LCT: variants seen among roughly 807,000 people sequenced by gnomAD.
The protein encoded by LCT is lactase.
Under a neutral mutation model 173.0 loss-of-function variants are expected in LCT, and 90 were observed. That is an observed-to-expected ratio of 0.52 (90% CI 0.44 to 0.62). LCT has a LOEUF of 0.62. LCT is among the 20% of genes least tolerant of loss of function. The pLI is 0.00. For synonymous variants in LCT, 853 were observed against 957.6 expected (o/e 0.89, Z 2.02); for missense variants, 1,864 against 2,431.4 (o/e 0.77, Z 4.91).
At chr2:135,824,680 T>C (rs556086748) in intron 3 of LCT, among the ~76,000 whole-genome samples, 3 of 152,194 alleles carry the variant, frequency 2.0e-5, no homozygotes, top group Non-Finnish European at 4.4e-5. Context: ...TTTTTACTTT[T>C]GGATGTTAGA....
chr2:135,805,168 C>T, intron 9 of LCT, 111 bp from the exon 10 acceptor site: 1 of 1,081,754 alleles, frequency 9.2e-7, no homozygotes, highest in Non-Finnish European at 1.4e-6. Context: ...TGTGATAACG[C>T]TTAGCTTAAA....
chr2:135,809,493 C>A lies in LCT; in HGVS notation c.2854G>T (p.Ala952Ser). 6.2e-7 allele frequency: 1 copy of A among 1,614,230 alleles called. No individual in the cohort carries two copies. Among genetic ancestry groups the A allele is most frequent in the Admixed American group, 1.7e-5 (1 of 60,022 alleles). ...NVKDNATGDI[A>S]CDSYHQLDAD... ...TCCAGCTGGTGATAGCTGTCACAGG[C>A]GATGTCTCCAGTGGCATTGTCTTTC... is the stretch of plus-strand genomic sequence containing the variant. The change falls in exon 8 of 17, where the codon GCC (alanine) becomes TCC (serine). Residue 952 changes from alanine to serine, a missense_variant. By Grantham distance (99) the Ala-to-Ser change is moderately conservative. Around this residue, in one of 4 missense-constraint regions of LCT, gnomAD observed 755 missense variants for 926.3 expected, o/e 0.82. Transcript: ENST00000264162. The surrounding 1 kb of genome is among the most constrained non-coding windows in gnomAD (Gnocchi z 5.5).
chr2:135,827,657 G>T (rs2077898540), intron 3 of LCT, among the ~76,000 whole-genome samples: 1 of 152,130 alleles, frequency 6.6e-6, no homozygotes, highest in African/African-American at 2.4e-5. Flanking sequence ...ACGCAACCTG[G>T]ATCCCTCGCA....
intron 6 of LCT, among the ~76,000 whole-genome samples, chr2:135,815,786 G>A (rs896114869): frequency 1.3e-5 from 2 of 151,948 alleles, no homozygotes; most frequent in Non-Finnish European, 1.5e-5. Context: ...TACAACCTCC[G>A]CCTCCCAGGA....
At position 135,836,581 on chromosome 2, in the gene LCT, C is replaced by G. The variant is rs1469902161; in HGVS notation, c.589G>C (p.Asp197His). 1.9e-6 allele frequency: 3 copies of G among 1,614,064 alleles called. No individual in the cohort carries two copies. Among genetic ancestry groups the G allele is most frequent in the Non-Finnish European group, 2.5e-6 (3 of 1,179,942 alleles). The change falls in exon 1 of 17, where the codon GAT (aspartate) becomes CAT (histidine). Residue 197 changes from aspartate to histidine, a missense_variant. By Grantham distance (81) the Asp-to-His change is moderately conservative (BLOSUM62 -1). Coordinates refer to ENST00000264162, the MANE Select transcript of LCT (RefSeq NM_002299.4). ...ATCTCATAGGCTTTTCTGTGGGCAT[C>G]ACTGAGGGTCTGGAGTTGTGACGCT... ...SRASQLQTLSDAHRKAYEIYH... is the reference protein window; with the variant it reads ...SRASQLQTLSHAHRKAYEIYH...
chr2:135,836,336 T>C (rs1170140056), intron 1 of LCT, among the ~76,000 whole-genome samples, 194 bp downstream of exon 1: 2 of 151,988 alleles, frequency 1.3e-5, no homozygotes, highest in Non-Finnish European at 2.9e-5. Context: ...AAATGCTGAG[T>C]GTTTTGCCAT....
Position 135,817,926 on chromosome 2 carries a change from C to A in LCT, c.1122G>T (p.Arg374Ser). 1 of 1,614,038 alleles carries A rather than the reference C, an allele frequency of 6.2e-7. No homozygotes were observed. The highest frequency in any genetic ancestry group is 8.5e-7 in the Non-Finnish European group (1 of 1,180,026). The change falls in exon 6 of 17, where the codon AGG (arginine) becomes AGT (serine). Residue 374 changes from arginine to serine, a missense_variant. Arg to Ser is a moderately radical substitution (Grantham distance 110). Transcript: ENST00000264162. ...EAFANQSRAE[R>S]DAFLQDTFPE... Reference sequence around the variant, plus strand: ...GGAAAGTATCCTGCAGGAAGGCATCCCTTTCCGCCCTGGACTGATTGGCAA... The same window carrying A: ...GGAAAGTATCCTGCAGGAAGGCATCACTTTCCGCCCTGGACTGATTGGCAA...
intron 8 of LCT, among the ~76,000 whole-genome samples, chr2:135,808,228 A>G (rs1334822038): frequency 3.3e-5 from 5 of 152,112 alleles, no homozygotes; most frequent in Non-Finnish European, 7.4e-5. Flanking sequence ...CTGTGTGTGT[A>G]GTGTTTGTAT....
chr2:135,819,992 G>T (rs561484057), intron 5 of LCT, among the ~76,000 whole-genome samples: 2 of 152,290 alleles, frequency 1.3e-5, no homozygotes, highest in East Asian at 3.9e-4. Context: ...GGCACCTCAG[G>T]CTCCACACCC....
rs2077748003 is a variant in LCT at position 135,812,960 on chromosome 2, G to A, written c.1708-4C>T. ...CCTTGAGGACCAAGTGAGCCACCTT[G>A]TGAAAAAGTAAGAAGGAAATACAGT... On this transcript the variant is annotated splice_polypyrimidine_tract_variant and splice_region_variant and intron_variant, in intron 6 of 16. Transcript: ENST00000264162. 6.2e-7 allele frequency: 1 copy of A among 1,613,674 alleles called. No homozygotes were observed. Among genetic ancestry groups the A allele is most frequent in the Non-Finnish European group, 8.5e-7 (1 of 1,179,730 alleles).
chr2:135,815,017 T>A (rs2077767783), intron 6 of LCT, among the ~76,000 whole-genome samples: 1 of 152,036 alleles, frequency 6.6e-6, no homozygotes, highest in Non-Finnish European at 1.5e-5. Flanking sequence ...TAAGAAAAGA[T>A]ACCAGTGAGT....
In LCT at chr2:135,813,315, A is replaced by T. The variant is rs1405002706; in HGVS notation, c.1708-359T>A. On this transcript the variant is annotated intron_variant, in intron 6 of 16. Transcript: ENST00000264162. ...AACGATGTTGATGTCAACAACATCA[A>T]TACCAACATGAACGGCATCAACAAG... 2.0e-5 allele frequency among the ~76,000 whole-genome samples: 3 copies of T among 152,240 alleles called. No homozygotes were observed. In the East Asian group the frequency reaches 5.8e-4, roughly 29 times the overall value.
rs117835477 is a variant in LCT, at chr2:135,804,750, G to T, written c.4464+17C>A. The T allele has an allele frequency of 3.7e-4, 601 of 1,611,796 alleles. 2 individuals carry two copies. The East Asian group carries it at 0.011, about 29-fold the overall frequency. ...TGCATGTGGACTTTCCCAAGGCCTT[G>T]CCAGGACCCACCATACCTGGGGCTG... is the stretch of plus-strand genomic sequence containing the variant. On this transcript the variant is annotated intron_variant, in intron 10 of 16. Coordinates refer to ENST00000264162, the MANE Select transcript of LCT (RefSeq NM_002299.4).
chr2:135,825,981 G>A (rs929196635), intron 3 of LCT, among the ~76,000 whole-genome samples: 8 of 152,182 alleles, frequency 5.3e-5, no homozygotes, highest in African/African-American at 1.9e-4. Context: ...CCCTGTCCTG[G>A]GTGTGGTAAC....
intron 7 of LCT, among the ~76,000 whole-genome samples, chr2:135,810,566 G>C (rs561588917): frequency 6.6e-6 from 1 of 152,300 alleles, no homozygotes; most frequent in South Asian, 2.1e-4. Context: ...TACCACCAGG[G>C]TGTCTTGGTT....
At position 135,804,784 on chromosome 2, in the gene LCT, C is replaced by A. The variant is rs139591272; in HGVS notation, c.4447G>T (p.Ala1483Ser). The A allele has an allele frequency of 6.7e-4, 1,084 of 1,612,758 alleles. 1 individual carries two copies. The highest frequency in any genetic ancestry group is 8.9e-4 in the Non-Finnish European group (1,050 of 1,180,028). The change falls in exon 10 of 17, where the codon GCC becomes TCC. Residue 1483 changes from alanine to serine, a missense_variant. Physicochemically the swap from Ala to Ser is moderately conservative, Grantham distance 99 (BLOSUM62 1). Transcript: ENST00000264162. ...CACCATACCTGGGGCTGGATGCTGG[C>A]GGCCAGCAGTGTATCGATGAGCCTC... is the stretch of plus-strand genomic sequence containing the variant. The part of the protein sequence containing the change: ...YVRLIDTLLA[A>S]SIQPQVTIYH...
At chr2:135,818,829 C>T (rs530747271) in intron 5 of LCT, among the ~76,000 whole-genome samples, 74 of 152,276 alleles carry the variant, frequency 4.9e-4, no homozygotes, top group African/African-American at 1.8e-3. Context: ...AAGAGTGAAA[C>T]TCCGTCTAAA....
Position 135,808,858 on chromosome 2 carries a change from G to A in LCT, c.3489C>T (p.Asp1163=). ...CTTTCCACTTCATGGTGTCAGGATAGTCTCCGTTTCTAAAAATGGGGTGAG... is the reference window on the plus strand; with the variant it reads ...CTTTCCACTTCATGGTGTCAGGATAATCTCCGTTTCTAAAAATGGGGTGAG... ...WFAHPIFRNG[D]YPDTMKWKVG... The change falls in exon 8 of 17, where the codon GAC becomes GAT. Residue 1163 remains aspartate (D), a synonymous_variant. Coordinates refer to ENST00000264162, the MANE Select transcript of LCT (RefSeq NM_002299.4). The A allele has an allele frequency of 6.2e-7, 1 of 1,614,216 alleles. No homozygotes were observed. The highest frequency in any genetic ancestry group is 1.3e-5 in the African/African-American group (1 of 75,054).
chr2:135,809,635 CCGAAA>C lies in LCT; in HGVS notation c.2707_2711del (p.Phe903GlyfsTer2), dbSNP rs756488468. 11 of 1,614,196 alleles carry C rather than the reference CCGAAA, an allele frequency of 6.8e-6. No individual in the cohort carries two copies. The highest frequency in any genetic ancestry group is 9.3e-6 in the Non-Finnish European group (11 of 1,180,040). ...AGGACACGCCCCACAGAAAGTCATC[CCGAAA>C]CGTCCCGTGGTAGAACAAATCTCTT... On this transcript the variant is annotated frameshift_variant, in exon 8 of 17. Transcript: ENST00000264162. LOFTEE classifies it high-confidence loss of function. This position sits in a 1 kb window ranked among gnomAD's most constrained non-coding sequence, Gnocchi z 5.5.
Sources: allele counts gnomAD v4.1 joint callset (sites outside exome capture counted in the v4.1 genomes callset), GRCh38; gene constraint gnomAD v4.1.1; regional missense constraint gnomAD v4.1.1; non-coding constraint Gnocchi (gnomAD v3.1); transcripts MANE v1.5; gene names NCBI Gene and HGNC (gene_info 2026-07-23, HGNC 2026-07-21).